EIF2AK4: variants seen among roughly 807,000 people sequenced by gnomAD.
The protein encoded by EIF2AK4 is eIF-2-alpha kinase GCN2.
Under a neutral mutation model 211.1 loss-of-function variants are expected in EIF2AK4, and 139 were observed. The observed-to-expected ratio is 0.66, with a 90% confidence interval of 0.57 to 0.76. EIF2AK4 has a LOEUF of 0.76. Ranked by LOEUF, EIF2AK4 falls within the 30% of genes least tolerant of loss-of-function variation. EIF2AK4 has a pLI of 0.00. For synonymous variants in EIF2AK4, 710 were observed against 751.3 expected, an observed-to-expected ratio of 0.94 and a Z score of 0.90; for missense variants, 1,664 against 2,043.8, an observed-to-expected ratio of 0.81 and a Z score of 3.58.
chr15:39,950,005 T>C (rs1013050900), intron 4 of EIF2AK4, among the ~76,000 whole-genome samples: 3 of 151,988 alleles, frequency 2.0e-5, no homozygotes, highest in Admixed American at 6.5e-5. Flanking sequence ...TTTATTTTAA[T>C]TTATTTTTCT....
chr15:40,008,192 T>A lies in EIF2AK4; in HGVS notation c.3573T>A (p.Leu1191=), dbSNP rs748535533. 2 of 1,591,288 alleles carry A rather than the reference T, an allele frequency of 1.3e-6. No individual in the cohort carries two copies. Among genetic ancestry groups the A allele is most frequent in the Non-Finnish European group, 1.7e-6 (2 of 1,171,426 alleles). The change falls in exon 25 of 39, where the codon CTT becomes CTA. Residue 1191 remains leucine, a synonymous_variant. Transcript: ENST00000263791. ...IYEIIQEFPA[L]QERNYSIYLN... is the part of the protein sequence containing the mutation. ...AAATCATCCAAGAGTTTCCAGCACTTCAGGTTCCTTTCCATATTTTAACAT... is the reference window on the plus strand; with the variant it reads ...AAATCATCCAAGAGTTTCCAGCACTACAGGTTCCTTTCCATATTTTAACAT...
intron 18 of EIF2AK4, among the ~76,000 whole-genome samples, chr15:39,993,059 TCC>T (rs2034968030): frequency 1.2e-4 from 11 of 92,160 alleles, no homozygotes; most frequent in African/African-American, 3.2e-4. Context: ...CATCCATCCA[TCC>T]ATCCATCCAT....
chr15:39,984,695 T>C (rs189494660), intron 13 of EIF2AK4, among the ~76,000 whole-genome samples: 1 of 152,366 alleles, frequency 6.6e-6, no homozygotes, highest in African/African-American at 2.4e-5. Context: ...TTTTTGCACA[T>C]TGATTTTGTA....
At chr15:40,019,260 A>G (rs937066693) in intron 30 of EIF2AK4, 60 bp downstream of exon 30, 1 of 1,363,566 alleles carries the variant, frequency 7.3e-7, no homozygotes, top group Non-Finnish European at 9.9e-7. Flanking sequence ...TAAAAGTATG[A>G]TTTGCCTTTT....
At chr15:39,954,007 A>G in intron 5 of EIF2AK4, 23 bp downstream of exon 5, 1 of 1,540,496 alleles carries the variant, frequency 6.5e-7, no homozygotes, top group Non-Finnish European at 8.7e-7. Context: ...CTCCACCATA[A>G]TAATTTACAT....
intron 38 of EIF2AK4, 66 bp from the exon 39 acceptor site, chr15:40,034,961 T>TTTA: frequency 7.5e-7 from 1 of 1,324,864 alleles, no homozygotes; most frequent in Non-Finnish European, 1.0e-6. Flanking sequence ...GTTATAAAAA[T>TTTA]TTATTAGCTC....
At chr15:39,952,352 G>T (rs562872968) in intron 4 of EIF2AK4, among the ~76,000 whole-genome samples, 5 of 149,590 alleles carry the variant, frequency 3.3e-5, no homozygotes, top group Admixed American at 1.3e-4. Flanking sequence ...GTGCAGTGGC[G>T]CAATCTTAGC....
intron 33 of EIF2AK4, among the ~76,000 whole-genome samples, chr15:40,028,491 A>G (rs1374115591): frequency 6.6e-6 from 1 of 152,154 alleles, no homozygotes; most frequent in Admixed American, 6.5e-5. Flanking sequence ...ACTGGTATCT[A>G]GGAGAGGCCA....
At chr15:39,965,903 A>G (rs1461532090) in intron 8 of EIF2AK4, 60 bp downstream of exon 8, 3 of 1,588,850 alleles carry the variant, frequency 1.9e-6, no homozygotes, top group South Asian at 1.1e-5. Flanking sequence ...AGGAGATGAC[A>G]GAACAAAATA....
intron 20 of EIF2AK4, among the ~76,000 whole-genome samples, chr15:39,999,746 G>A (rs1273013081): frequency 6.6e-6 from 1 of 152,150 alleles, no homozygotes; most frequent in Non-Finnish European, 1.5e-5. Flanking sequence ...GAAATACATT[G>A]AGTCATGTTT....
intron 32 of EIF2AK4, among the ~76,000 whole-genome samples, chr15:40,024,275 T>G (rs2035433766): frequency 1.3e-5 from 2 of 149,832 alleles, no homozygotes; most frequent in Non-Finnish European, 2.9e-5. Flanking sequence ...CTTGAACGCC[T>G]GGGCTCAAGC....
chr15:39,935,749 A>G (rs2034055799), intron 1 of EIF2AK4, among the ~76,000 whole-genome samples: 1 of 152,192 alleles, frequency 6.6e-6, no homozygotes, highest in African/African-American at 2.4e-5. Context: ...TCTCAAACTC[A>G]GGGTGCTTCT....
intron 4 of EIF2AK4, chr15:39,951,816 A>G: frequency 6.2e-6 from 1 of 160,366 alleles, no homozygotes; most frequent in Non-Finnish European, 1.4e-5. Context: ...GCCATGGTAT[A>G]GAGACCTCCT....
At chr15:39,953,283 G>T (rs1393049899) in intron 4 of EIF2AK4, among the ~76,000 whole-genome samples, 1 of 152,172 alleles carries the variant, frequency 6.6e-6, no homozygotes, top group African/African-American at 2.4e-5. Flanking sequence ...TTTACACATT[G>T]TATTATTGCT....
chr15:39,940,634 A>C (rs1268749185), intron 2 of EIF2AK4, among the ~76,000 whole-genome samples: 2 of 152,228 alleles, frequency 1.3e-5, no homozygotes, highest in African/African-American at 4.8e-5. Context: ...AACATTAATG[A>C]AAAAGATAAT....
rs2034352843 is a variant in EIF2AK4 at position 39,953,812 on chromosome 15, T to C, written c.514-92T>C. 2.4e-6 allele frequency: 3 copies of C among 1,268,958 alleles called. No homozygotes were observed. The Admixed American group carries it at 6.1e-5, about 26-fold the overall frequency. The allele number at this position is 1,268,958 out of a possible 1,614,324, so 78.6% of individuals were successfully genotyped here. On this transcript the variant is annotated intron_variant, in intron 4 of 38. Coordinates refer to ENST00000263791, the MANE Select transcript of EIF2AK4 (RefSeq NM_001013703.4). ...TCTTAGGAAGAGAGGGTTTGAATTA[T>C]TGAAAGTTAAAAGATTTTTCTGTAG...
intron 4 of EIF2AK4, among the ~76,000 whole-genome samples, chr15:39,949,551 A>G (rs1407084133): frequency 6.6e-6 from 1 of 152,204 alleles, no homozygotes. Context: ...GTTAGGGTGT[A>G]CAGGAGTTCA....
chr15:39,944,454 C>T (rs1485451022), intron 3 of EIF2AK4, among the ~76,000 whole-genome samples: 3 of 61,420 alleles, frequency 4.9e-5, no homozygotes, highest in Non-Finnish European at 7.8e-5. Context: ...TTTTTTGAGG[C>T]GGAGTCTTGC....
At chr15:40,007,241 G>A (rs2035174148) in intron 24 of EIF2AK4, among the ~76,000 whole-genome samples, 176 bp downstream of exon 24, 1 of 152,174 alleles carries the variant, frequency 6.6e-6, no homozygotes. Context: ...TTCCTGTAAG[G>A]TAACTAGGAC....
Sources: allele counts gnomAD v4.1 joint callset (sites outside exome capture counted in the v4.1 genomes callset), GRCh38; gene constraint gnomAD v4.1.1; transcripts MANE v1.5; gene names NCBI Gene and HGNC (gene_info 2026-07-23, HGNC 2026-07-21).